BMPR1B: variants seen among roughly 807,000 people sequenced by gnomAD.
BMPR1B encodes bone morphogenetic protein receptor type 1B, also known as bone morphogenetic protein receptor type-1B.
Under a neutral mutation model 59.1 loss-of-function variants are expected in BMPR1B, and 12 were observed. The ratio of observed to expected loss-of-function variants is 0.20; its 90% CI spans 0.13 to 0.33. BMPR1B has a LOEUF of 0.33. Ranked by LOEUF, BMPR1B falls within the 10% of genes least tolerant of loss-of-function variation. The pLI is 1.00. For synonymous variants in BMPR1B, 237 were observed against 207.3 expected, an observed-to-expected ratio of 1.14 and a Z score of -1.23; for missense variants, 550 against 610.9, an observed-to-expected ratio of 0.90 and a Z score of 1.05.
intron 6 of BMPR1B, among the ~76,000 whole-genome samples, chr4:95,116,421 G>GCGCGCGCGCGCGCGCACACA: frequency 6.5e-5 from 8 of 123,198 alleles, no homozygotes; most frequent in African/African-American, 2.5e-4. Flanking sequence ...TTCAGCGCGC[G>GCGCGCGCGCGCGCGCACACA]CACACACACA....
chr4:94,942,709 C>T (rs751220101), intron 2 of BMPR1B, among the ~76,000 whole-genome samples: 1 of 152,112 alleles, frequency 6.6e-6, no homozygotes, highest in South Asian at 2.1e-4. Context: ...TATGACATGC[C>T]GTTATTGAAC....
At chr4:94,943,548 G>GT (rs1729599376) in intron 2 of BMPR1B, among the ~76,000 whole-genome samples, 1 of 152,308 alleles carries the variant, frequency 6.6e-6, no homozygotes. Context: ...AAAGGAATTA[G>GT]TATGTGTATC....
chr4:94,829,327 CTTT>C (rs35278466), intron 1 of BMPR1B, among the ~76,000 whole-genome samples: 10 of 136,928 alleles, frequency 7.3e-5, no homozygotes, highest in Non-Finnish European at 9.3e-5. Context: ...TTTTATTTTC[CTTT>C]TTTTTTTTTT....
chr4:95,012,086 C>G (rs1723266376), intron 3 of BMPR1B, among the ~76,000 whole-genome samples: 1 of 151,822 alleles, frequency 6.6e-6, no homozygotes, highest in African/African-American at 2.4e-5. Flanking sequence ...TAGGTGATAA[C>G]TAGCCTGTCT....
chr4:94,809,697 C>T (rs1296255560), intron 1 of BMPR1B, among the ~76,000 whole-genome samples: 1 of 152,214 alleles, frequency 6.6e-6, no homozygotes. Context: ...TTCTAAAACA[C>T]ATTTGTTTCA....
chr4:95,021,469 CA>C (rs1723976120), intron 3 of BMPR1B, among the ~76,000 whole-genome samples: 1 of 152,180 alleles, frequency 6.6e-6, no homozygotes, highest in Non-Finnish European at 1.5e-5. Context: ...ATTATGAAAT[CA>C]ATAGCATTAT....
At chr4:95,129,656 A>G (rs1197936977) in intron 8 of BMPR1B, among the ~76,000 whole-genome samples, 1 of 152,212 alleles carries the variant, frequency 6.6e-6, no homozygotes, top group Admixed American at 6.5e-5. Flanking sequence ...AGTGTTTTGA[A>G]CATTCAGAAT....
intron 4 of BMPR1B, among the ~76,000 whole-genome samples, chr4:95,111,614 C>T (rs1036695367): frequency 1.3e-5 from 2 of 151,978 alleles, no homozygotes; most frequent in East Asian, 1.9e-4. Context: ...TCTCTGAATG[C>T]GTATCTACCT....
At chr4:94,923,890 G>A (rs1728790584) in intron 2 of BMPR1B, among the ~76,000 whole-genome samples, 1 of 152,074 alleles carries the variant, frequency 6.6e-6, no homozygotes, top group African/African-American at 2.4e-5. Context: ...CTCACACTTG[G>A]ACTGGGTCTT....
chr4:95,140,876 ACTTAGTTC>A (rs1734187394), intron 10 of BMPR1B, among the ~76,000 whole-genome samples: 1 of 152,152 alleles, frequency 6.6e-6, no homozygotes, highest in Non-Finnish European at 1.5e-5. Context: ...TATTATAGAA[ACTTAGTTC>A]TGCTTAATGG....
intron 2 of BMPR1B, among the ~76,000 whole-genome samples, chr4:94,956,071 C>T (rs1194068951): frequency 1.3e-5 from 2 of 152,230 alleles, no homozygotes; most frequent in East Asian, 3.9e-4. Context: ...TTTAAGTTCG[C>T]AATAAAATGA....
chr4:95,007,689 G>A (rs528474248), intron 3 of BMPR1B, among the ~76,000 whole-genome samples: 2 of 152,262 alleles, frequency 1.3e-5, no homozygotes, highest in East Asian at 1.9e-4. Flanking sequence ...ACAAGAATAT[G>A]CATTTTATAC....
intron 1 of BMPR1B, among the ~76,000 whole-genome samples, chr4:94,853,494 G>A (rs905817169): frequency 1.4e-4 from 22 of 152,168 alleles, no homozygotes; most frequent in Non-Finnish European, 3.1e-4. Context: ...TAATATGTAT[G>A]GAGGCTGTAT....
chr4:94,939,941 T>C (rs1729446403), intron 2 of BMPR1B, among the ~76,000 whole-genome samples: 1 of 152,220 alleles, frequency 6.6e-6, no homozygotes, highest in Non-Finnish European at 1.5e-5. Context: ...TGATCAGTGC[T>C]TTAACTTGAA....
At chr4:94,863,914 G>T (rs1167287527) in intron 1 of BMPR1B, among the ~76,000 whole-genome samples, 1 of 152,198 alleles carries the variant, frequency 6.6e-6, no homozygotes, top group Non-Finnish European at 1.5e-5. Context: ...GGAAGTTACA[G>T]TTCATTAAAT....
rs528131315 is a variant in BMPR1B at position 94,884,332 on chromosome 4, C to T, written c.-113+8432C>T. Among the ~76,000 whole-genome samples the T allele has an allele frequency of 1.4e-4, 22 of 152,236 alleles. 1 individual carries two copies. In the South Asian group the frequency reaches 3.9e-3, roughly 27 times the overall value. On this transcript the variant is annotated intron_variant, in intron 2 of 12. Transcript: ENST00000515059. ...CTTGAGGTTAGGAGTTCGAAACCCG[C>T]CTGGCCAACATGGTGAAACCCCATC...
At chr4:95,049,646 A>G (rs2149185745) in intron 3 of BMPR1B, among the ~76,000 whole-genome samples, 1 of 151,548 alleles carries the variant, frequency 6.6e-6, no homozygotes, top group South Asian at 2.1e-4. Flanking sequence ...CCTTGCTCAT[A>G]TAATTTCTTT....
intron 3 of BMPR1B, among the ~76,000 whole-genome samples, chr4:95,102,905 G>C (rs1730926065): frequency 1.3e-5 from 2 of 151,956 alleles, no homozygotes; most frequent in Admixed American, 6.6e-5. Flanking sequence ...TGTTGAATAT[G>C]CACATTTCCT....
intron 1 of BMPR1B, among the ~76,000 whole-genome samples, chr4:94,801,791 C>T (rs1187855843): frequency 6.6e-6 from 1 of 152,106 alleles, no homozygotes; most frequent in Non-Finnish European, 1.5e-5. Context: ...GGAAACTTTC[C>T]TTATTCTTTC....
Sources: allele counts gnomAD v4.1 joint callset (sites outside exome capture counted in the v4.1 genomes callset), GRCh38; gene constraint gnomAD v4.1.1; transcripts MANE v1.5; gene names NCBI Gene and HGNC (gene_info 2026-07-23, HGNC 2026-07-21).